The following ERICH3 variants were observed in gnomAD, a reference collection of about 807,000 sequenced individuals.
The protein encoded by ERICH3 is glutamate rich 3.
Under a neutral mutation model 131.1 loss-of-function variants are expected in ERICH3, and 126 were observed. The observed-to-expected ratio is 0.96, with a 90% confidence interval of 0.83 to 1.11. ERICH3 has a LOEUF of 1.11. ERICH3 is among the 50% of genes most tolerant of loss of function. The pLI is 0.00. For synonymous variants in ERICH3, 695 were observed against 644.6 expected, an observed-to-expected ratio of 1.08 and a Z score of -1.18; for missense variants, 2,050 against 1,810.7, an observed-to-expected ratio of 1.13 and a Z score of -2.40.
intron 12 of ERICH3, chr1:74,579,513 G>C (rs1323802824): frequency 2.0e-6 from 2 of 985,354 alleles, no homozygotes; most frequent in Non-Finnish European, 2.4e-6. Flanking sequence ...GTAGATGAGA[G>C]CCTGTATAGT....
At chr1:74,635,403 G>A (rs1023143756) in intron 6 of ERICH3, among the ~76,000 whole-genome samples, 1 of 152,048 alleles carries the variant, frequency 6.6e-6, no homozygotes. Flanking sequence ...TTTTAGAGTT[G>A]TATTTATACT....
chr1:74,581,225 A>G (rs1033042454), intron 12 of ERICH3, among the ~76,000 whole-genome samples: 1 of 152,132 alleles, frequency 6.6e-6, no homozygotes, highest in Non-Finnish European at 1.5e-5. Context: ...AAATAGTTGG[A>G]GTGATTTCCC....
rs758577242 is a variant in ERICH3 at position 74,590,007 on chromosome 1, C to G, written c.1800G>C (p.Val600=). ...TGTCAGTGTGGGCTTCCCTGTCCCC[C>G]ACTGCAGATTCATCCTCACTGTCAC... ...YSSDSEDESA[V]GDREAHTDSS... is the part of the protein sequence containing the mutation. The change falls in exon 12 of 15, where the codon GTG becomes GTC. Residue 600 remains valine, a synonymous_variant. Coordinates refer to ENST00000326665, the MANE Select transcript of ERICH3 (RefSeq NM_001002912.5). 6.2e-7 allele frequency: 1 copy of G among 1,613,912 alleles called. No individual in the cohort carries two copies. Among genetic ancestry groups the G allele is most frequent in the Non-Finnish European group, 8.5e-7 (1 of 1,179,922 alleles).
At position 74,606,002 on chromosome 1, in the gene ERICH3, G is replaced by A. The variant is rs35134882; in HGVS notation, c.1489+599C>T. 9.1e-5 allele frequency among the ~76,000 whole-genome samples: 12 copies of A among 132,224 alleles called. No homozygotes were observed. The East Asian group carries it at 1.5e-3, about 16-fold the overall frequency. 86.7% of individuals were successfully genotyped at this position (132,224 alleles called of 152,430 possible). A position where few individuals can be genotyped will look rare whatever the true frequency, so the allele number is the denominator to read the frequency against. On this transcript the variant is annotated intron_variant, in intron 10 of 14. Coordinates refer to ENST00000326665, the MANE Select transcript of ERICH3 (RefSeq NM_001002912.5). ...TGTGTATGTATATATATGAATGCGC[G>A]TGTGTCTGTGTGTGTGTGTGGGTGG...
intron 7 of ERICH3, among the ~76,000 whole-genome samples, chr1:74,621,207 A>T (rs1408389234): frequency 1.3e-5 from 2 of 151,990 alleles, no homozygotes; most frequent in African/African-American, 2.4e-5. Flanking sequence ...GGTGTGTGGG[A>T]GTGTGTTTGT....
chr1:74,671,476 T>G (rs1557708880), intron 1 of ERICH3, among the ~76,000 whole-genome samples: 1 of 152,226 alleles, frequency 6.6e-6, no homozygotes. Context: ...CCTACCAATA[T>G]GTGATGTCAC....
intron 10 of ERICH3, among the ~76,000 whole-genome samples, chr1:74,605,829 T>C (rs1648360034): frequency 6.6e-6 from 1 of 151,710 alleles, no homozygotes; most frequent in Non-Finnish European, 1.5e-5. Context: ...GAAACAGAGA[T>C]GAAGTGAGCA....
At position 74,606,862 on chromosome 1, in the gene ERICH3, G is replaced by C. The variant is rs1648421395; in HGVS notation, c.1228C>G (p.Pro410Ala). ...GTGCTCTTTTCTTTCCTAGATTTCGGCAAAGACGGTTTTTTGTCAAGGCCC... is the reference window on the plus strand; with the variant it reads ...GTGCTCTTTTCTTTCCTAGATTTCGCCAAAGACGGTTTTTTGTCAAGGCCC... ...AMGLDKKPSL[P>A]KSRKEKSTEK... is the part of the protein sequence containing the mutation. Residue 410 changes from proline (P) to alanine (A), a missense_variant, in exon 10 of 15, where the codon CCG (proline) becomes GCG (alanine). Transcript: ENST00000326665. The C allele has an allele frequency of 6.2e-7, 1 of 1,611,676 alleles. No homozygotes were observed. Among genetic ancestry groups the C allele is most frequent in the Admixed American group, 1.7e-5 (1 of 59,680 alleles).
chr1:74,593,331 G>A (rs1647694646), intron 11 of ERICH3, among the ~76,000 whole-genome samples: 1 of 151,992 alleles, frequency 6.6e-6, no homozygotes, highest in Non-Finnish European at 1.5e-5. Flanking sequence ...ATGAGATTGA[G>A]AAAAAATAAC....
intron 12 of ERICH3, among the ~76,000 whole-genome samples, chr1:74,585,605 A>G (rs1647290778): frequency 6.6e-6 from 1 of 152,150 alleles, no homozygotes; most frequent in African/African-American, 2.4e-5. Flanking sequence ...ATTTATTTGT[A>G]ACATAGATTA....
intron 6 of ERICH3, among the ~76,000 whole-genome samples, chr1:74,632,882 A>C (rs945490828): frequency 2.0e-5 from 3 of 151,948 alleles, no homozygotes; most frequent in African/African-American, 7.2e-5. Context: ...TATTTTAATC[A>C]TTAAAAAACA....
chr1:74,631,501 TTTA>T (rs1646336072), intron 7 of ERICH3, among the ~76,000 whole-genome samples: 1 of 152,122 alleles, frequency 6.6e-6, no homozygotes, highest in African/African-American at 2.4e-5. Context: ...TGTTAAATCT[TTTA>T]TTATTAATTA....
At chr1:74,673,090 G>A (rs1646756381) in intron 1 of ERICH3, among the ~76,000 whole-genome samples, 1 of 152,114 alleles carries the variant, frequency 6.6e-6, no homozygotes, top group Non-Finnish European at 1.5e-5. Context: ...GTAAGCTAAG[G>A]TGAGAATGCA....
At chr1:74,587,724 C>T (rs1338165429) in intron 12 of ERICH3, among the ~76,000 whole-genome samples, 4 of 152,126 alleles carry the variant, frequency 2.6e-5, no homozygotes, top group Non-Finnish European at 5.9e-5. Context: ...ACCTTTAACA[C>T]CTCTACCTTT....
chr1:74,616,729 G>T (rs1223778359), intron 8 of ERICH3, among the ~76,000 whole-genome samples: 1 of 151,952 alleles, frequency 6.6e-6, no homozygotes, highest in Non-Finnish European at 1.5e-5. Flanking sequence ...GATCATCCTG[G>T]ATTTAAGTTT....
At chr1:74,660,823 T>C (rs1156895764) in intron 1 of ERICH3, among the ~76,000 whole-genome samples, 1 of 151,914 alleles carries the variant, frequency 6.6e-6, no homozygotes, top group African/African-American at 2.4e-5. Flanking sequence ...GTCAGTGATT[T>C]CCACTAGTTT....
chr1:74,629,597 G>A (rs1208526487), intron 7 of ERICH3, among the ~76,000 whole-genome samples: 2 of 152,118 alleles, frequency 1.3e-5, no homozygotes. Flanking sequence ...CCCAGCTACA[G>A]AAGCCCATTC....
At chr1:74,616,358 G>A (rs1048487343) in intron 8 of ERICH3, among the ~76,000 whole-genome samples, 6 of 151,994 alleles carry the variant, frequency 3.9e-5, no homozygotes, top group Middle Eastern at 3.4e-3. Flanking sequence ...ACAGGCCAGC[G>A]GACAACTAAA....
rs1167896302 is a variant in ERICH3 at position 74,568,582 on chromosome 1, A to G, written c.*1876T>C. The G allele has an allele frequency of 6.6e-6, 1 of 152,198 alleles. No homozygotes were observed. Among genetic ancestry groups the G allele is most frequent in the African/African-American group, 2.4e-5 (1 of 41,462 alleles). The allele number at this position is 152,198 out of a possible 1,614,324, so 9.4% of individuals were successfully genotyped here. On this transcript the variant is annotated 3_prime_UTR_variant, in exon 15 of 15. Transcript: ENST00000326665. Reference sequence around the variant, plus strand: ...GGAGATTTATGATGTGCAGTGAGTAATATCCTTGAATAGGGAGTAGGGCAG... The same window carrying G: ...GGAGATTTATGATGTGCAGTGAGTAGTATCCTTGAATAGGGAGTAGGGCAG...
Sources: gnomAD v4.1 joint callset for allele counts (sites outside exome capture counted in the v4.1 genomes callset) on GRCh38, gnomAD v4.1.1 for gene constraint, MANE v1.5 for transcripts, NCBI Gene and HGNC (gene_info 2026-07-23, HGNC 2026-07-21) for gene names.